DAW1: variants seen among roughly 807,000 people sequenced by gnomAD.
The protein encoded by DAW1 is dynein assembly factor with WD repeats 1.
Under a neutral mutation model 56.5 loss-of-function variants are expected in DAW1, and 47 were observed. That is an observed-to-expected ratio of 0.83 (90% CI 0.66 to 1.06). DAW1 has a LOEUF of 1.06. DAW1 is among the 50% of genes least tolerant of loss of function. DAW1 has a pLI of 0.00. For missense variants in DAW1, 505 were observed against 499.3 expected, an observed-to-expected ratio of 1.01 and a Z score of -0.11; for synonymous variants, 190 against 179.0, an observed-to-expected ratio of 1.06 and a Z score of -0.49.
chr2:227,902,962 C>T (rs1691581609), intron 6 of DAW1, 40 bp from the exon 7 acceptor site: 1 of 1,585,152 alleles, frequency 6.3e-7, no homozygotes. Context: ...CACTTTGAAA[C>T]TCTGTCTTCC....
intron 1 of DAW1, among the ~76,000 whole-genome samples, chr2:227,883,525 C>G (rs1691056374): frequency 6.6e-6 from 1 of 152,192 alleles, no homozygotes; most frequent in Admixed American, 6.5e-5. Flanking sequence ...GTTTCAGATT[C>G]TATATTGCAA....
chr2:227,899,889 G>C (rs1436321237), intron 6 of DAW1, among the ~76,000 whole-genome samples: 5 of 152,050 alleles, frequency 3.3e-5, no homozygotes, highest in Admixed American at 2.0e-4. Context: ...GATGGGAAAG[G>C]GTCCTGTATT....
intron 1 of DAW1, among the ~76,000 whole-genome samples, chr2:227,874,824 G>A (rs761938280): frequency 6.6e-6 from 1 of 152,022 alleles, no homozygotes; most frequent in Non-Finnish European, 1.5e-5. Context: ...TTAGCCAGGT[G>A]TGGTGGTGCG....
intron 8 of DAW1, 27 bp from the exon 9 acceptor site, chr2:227,906,209 C>T (rs1691677308): frequency 3.2e-6 from 5 of 1,557,154 alleles, no homozygotes; most frequent in African/African-American, 2.7e-5. Flanking sequence ...ATATCTTTCA[C>T]TAGTTTTAAT....
rs199556563 is a variant in DAW1 at position 227,893,831 on chromosome 2, C to T, written c.354C>T (p.Leu118=). 141 of 1,613,896 alleles carry T rather than the reference C, an allele frequency of 8.7e-5. 2 individuals are homozygous for T. In the South Asian group the frequency reaches 1.4e-3, roughly 17 times the overall value. Residue 118 remains leucine, a synonymous_variant, in exon 5 of 13, where the codon CTC becomes CTT. Transcript: ENST00000309931. ...ITGSYDRTCK[L]WDTASGEELN... is the part of the protein sequence containing the mutation. ...GAAGCTATGATCGGACGTGCAAGCT[C>T]TGGGACACTGCGTCTGGAGAGGAGC...
chr2:227,874,200 G>A (rs1332653574), intron 1 of DAW1, among the ~76,000 whole-genome samples: 1 of 152,098 alleles, frequency 6.6e-6, no homozygotes, highest in African/African-American at 2.4e-5. Context: ...TCTGGGTTCA[G>A]AATAACGGCT....
intron 2 of DAW1, among the ~76,000 whole-genome samples, chr2:227,888,520 C>T (rs896826435): frequency 2.6e-5 from 4 of 152,206 alleles, no homozygotes; most frequent in South Asian, 4.1e-4. Context: ...CAGGGAGAAA[C>T]GGCCAGGCTC....
rs6715951 is a variant in DAW1, at chr2:227,921,399, A to T, written c.1051A>T (p.Ile351Phe). 251 of 1,401,232 alleles carry T rather than the reference A, an allele frequency of 1.8e-4. No homozygotes were observed. In the African/African-American group the frequency reaches 3.4e-3, roughly 19 times the overall value. The allele number at this position is 1,401,232 out of a possible 1,614,324, so 86.8% of individuals were successfully genotyped here. A position where few individuals can be genotyped will look rare whatever the true frequency, so the allele number is the denominator to read the frequency against. Reference protein sequence around the residue: ...LEGHEGEISKISFNPQGNHLL... With the variant: ...LEGHEGEISKFSFNPQGNHLL... ...GATCATTTTTCTTTCTCTTTTGCAG[A>T]TTTCTTTCAACCCTCAAGGGAACCA... The change falls in exon 12 of 13, where the codon ATT becomes TTT. Residue 351 changes from isoleucine (I) to phenylalanine (F), a missense_variant and splice_region_variant. Coordinates refer to ENST00000309931, the MANE Select transcript of DAW1 (RefSeq NM_178821.3).
Position 227,893,925 on chromosome 2 carries a change from C to A in DAW1, c.440+8C>A. On this transcript the variant is annotated splice_region_variant and intron_variant, in intron 5 of 12. Coordinates refer to ENST00000309931, the MANE Select transcript of DAW1 (RefSeq NM_178821.3). The stretch of plus-strand genomic sequence containing the variant: ...ATTCAACAATCCTTACGGGTGTGTT[C>A]ATCCCTTCACTTATTTGTTTATTAA... The A allele has an allele frequency of 6.4e-7, 1 of 1,571,530 alleles. No individual in the cohort carries two copies.
chr2:227,876,272 G>T (rs1177727187), intron 1 of DAW1, among the ~76,000 whole-genome samples: 1 of 152,184 alleles, frequency 6.6e-6, no homozygotes, highest in Non-Finnish European at 1.5e-5. Context: ...CACCCGCCTT[G>T]GCCTCCCAAA....
At chr2:227,921,346 TG>T in intron 11 of DAW1, 52 bp from the exon 12 acceptor site, 1 of 1,040,562 alleles carries the variant, frequency 9.6e-7, no homozygotes, top group Non-Finnish European at 1.3e-6. Flanking sequence ...TGATAAGAAA[TG>T]TTTTGGGAAC....
chr2:227,875,443 C>T (rs984519065), intron 1 of DAW1, among the ~76,000 whole-genome samples: 1 of 152,182 alleles, frequency 6.6e-6, no homozygotes, highest in African/African-American at 2.4e-5. Flanking sequence ...AATCTCACCC[C>T]CTGTTGCTTC....
chr2:227,888,129 A>G (rs1691173866), intron 2 of DAW1, among the ~76,000 whole-genome samples: 1 of 152,126 alleles, frequency 6.6e-6, no homozygotes, highest in African/African-American at 2.4e-5. Flanking sequence ...TCCTAATCTA[A>G]TAGATTATGT....
intron 11 of DAW1, among the ~76,000 whole-genome samples, chr2:227,920,475 G>T (rs374142683): frequency 1.4e-4 from 21 of 152,066 alleles, no homozygotes; most frequent in Middle Eastern, 3.2e-3. Flanking sequence ...GGACTAACAG[G>T]TTCCTTTGAT....
intron 10 of DAW1, among the ~76,000 whole-genome samples, chr2:227,913,083 G>T (rs62201057): frequency 5.3e-5 from 8 of 151,968 alleles, no homozygotes; most frequent in Non-Finnish European, 1.0e-4. Flanking sequence ...TCATGTATGA[G>T]TCTGTACTAT....
Position 227,883,226 on chromosome 2 carries a change from A to T in DAW1, c.41-2125A>T, listed in dbSNP as rs1691050503. Among the ~76,000 whole-genome samples, 3 of 152,356 alleles carry T rather than the reference A, an allele frequency of 2.0e-5. No individual in the cohort carries two copies. The South Asian group carries it at 6.2e-4, about 32-fold the overall frequency. On this transcript the variant is annotated intron_variant, in intron 1 of 12. Transcript: ENST00000309931. ...GTGATGTATTTTAGCTTTCAAGCAA[A>T]AAGTATAAGTTCAGAAAACTTTTGT...
At chr2:227,899,111 G>A (rs1385591510) in intron 6 of DAW1, among the ~76,000 whole-genome samples, 2 of 152,108 alleles carry the variant, frequency 1.3e-5, no homozygotes, top group Non-Finnish European at 2.9e-5. Context: ...TGCAATAATT[G>A]GCATTCCATA....
chr2:227,915,196 T>C (rs981243585), intron 10 of DAW1, among the ~76,000 whole-genome samples: 11 of 152,096 alleles, frequency 7.2e-5, no homozygotes. Context: ...ATTCATGTTG[T>C]GTAGTGATGT....
chr2:227,917,279 T>C (rs1173819354), intron 10 of DAW1, among the ~76,000 whole-genome samples: 1 of 143,686 alleles, frequency 7.0e-6, no homozygotes, highest in South Asian at 2.2e-4. Flanking sequence ...TTTTTTTTTT[T>C]AGATGGAGTC....
Sources: allele counts gnomAD v4.1 joint callset (sites outside exome capture counted in the v4.1 genomes callset), GRCh38; gene constraint gnomAD v4.1.1; transcripts MANE v1.5; gene names NCBI Gene and HGNC (gene_info 2026-07-23, HGNC 2026-07-21).